ERICH6B: variants seen among roughly 807,000 people sequenced by gnomAD.
ERICH6B encodes the protein glutamate-rich protein 6B.
A neutral mutation model predicts 80.0 loss-of-function variants in ERICH6B; 69 were observed. That is an observed-to-expected ratio of 0.86 (90% CI 0.71 to 1.05). The LOEUF is 1.05. Among genes scored for constraint, ERICH6B ranks in the 50% least tolerant of loss-of-function variants. ERICH6B has a pLI of 0.00. For synonymous variants in ERICH6B, 283 were observed against 291.9 expected (o/e 0.97, Z 0.31); for missense variants, 754 against 796.1 (o/e 0.95, Z 0.64).
intron 10 of ERICH6B, among the ~76,000 whole-genome samples, chr13:45,562,888 G>A (rs1260788987): frequency 1.3e-5 from 2 of 152,220 alleles, no homozygotes; most frequent in Non-Finnish European, 2.9e-5. Flanking sequence ...CTGGGGGTAA[G>A]TGTACTCTAT....
At chr13:45,594,500 T>A (rs181468974) in intron 3 of ERICH6B, among the ~76,000 whole-genome samples, 1 of 152,326 alleles carries the variant, frequency 6.6e-6, no homozygotes, top group African/African-American at 2.4e-5. Context: ...AGAATTACAT[T>A]TGATACTTGA....
In ERICH6B at chr13:45,596,904, A is replaced by T; in HGVS notation, c.102T>A (p.Thr34=). ...GACTTTCCTCATCTAGTTCTACTTC[A>T]GTATCCTCTTTCTCTGAAGGCAAGT... is the stretch of plus-strand genomic sequence containing the variant. ...TQNLPSEKED[T]EVELDEESLQ... Residue 34 remains threonine, a synonymous_variant, in exon 3 of 15, where the codon ACT becomes ACA. Transcript: ENST00000298738. 6.4e-7 allele frequency: 1 copy of T among 1,551,840 alleles called. No individual in the cohort carries two copies. Among genetic ancestry groups the T allele is most frequent in the Non-Finnish European group, 8.7e-7 (1 of 1,147,026 alleles).
chr13:45,596,201 T>A (rs979769298), intron 3 of ERICH6B, among the ~76,000 whole-genome samples, 168 bp downstream of exon 3: 1 of 152,166 alleles, frequency 6.6e-6, no homozygotes, highest in Non-Finnish European at 1.5e-5. Context: ...TGGCTCTATG[T>A]CAGGTTTGTG....
At chr13:45,561,806 A>G (rs181324499) in intron 10 of ERICH6B, among the ~76,000 whole-genome samples, 11 of 152,304 alleles carry the variant, frequency 7.2e-5, no homozygotes, top group Non-Finnish European at 1.6e-4. Flanking sequence ...GATGCCTGAT[A>G]TGACAGTGAT....
Position 45,587,221 on chromosome 13 carries a change from G to A in ERICH6B, c.698C>T (p.Ala233Val). 1 of 1,551,692 alleles carries A rather than the reference G, an allele frequency of 6.4e-7. No homozygotes were observed. The highest frequency in any genetic ancestry group is 1.2e-5 in the South Asian group (1 of 84,048). Residue 233 changes from alanine to valine, a missense_variant, in exon 5 of 15, where the codon GCT (alanine) becomes GTT (valine). By Grantham distance (64) the Ala-to-Val change is moderately conservative. Coordinates refer to ENST00000298738, the MANE Select transcript of ERICH6B (RefSeq NM_182542.3). Reference sequence around the variant, plus strand: ...GAAGGTGGTCACCTGAGAGGGGCCAGCGTCTGGACTCCTGTCAGAGGGGAG... The same window carrying A: ...GAAGGTGGTCACCTGAGAGGGGCCAACGTCTGGACTCCTGTCAGAGGGGAG... ...MLLRDARSPD[A>V]GPSQVTTFLT...
chr13:45,584,185 C>T (rs894125267), intron 5 of ERICH6B, among the ~76,000 whole-genome samples: 1 of 152,196 alleles, frequency 6.6e-6, no homozygotes, highest in Non-Finnish European at 1.5e-5. Flanking sequence ...TAATGCTCTG[C>T]ATTAGAATTT....
intron 10 of ERICH6B, chr13:45,563,516 G>A (rs1423078619): frequency 3.4e-6 from 2 of 594,746 alleles, no homozygotes; most frequent in East Asian, 2.8e-5. Context: ...ACCTGCCCCT[G>A]CCACCAAGAA....
chr13:45,605,216 A>G (rs1006288421), intron 2 of ERICH6B, among the ~76,000 whole-genome samples: 1 of 152,182 alleles, frequency 6.6e-6, no homozygotes, highest in South Asian at 2.1e-4. Flanking sequence ...CTCACTCTCC[A>G]GGGAGCCCTG....
chr13:45,585,126 G>A (rs537435648), intron 5 of ERICH6B, among the ~76,000 whole-genome samples: 1 of 152,334 alleles, frequency 6.6e-6, no homozygotes, highest in South Asian at 2.1e-4. Flanking sequence ...CTTGTTTGGA[G>A]TGAAAACTGG....
intron 2 of ERICH6B, among the ~76,000 whole-genome samples, chr13:45,597,908 C>T (rs140862015): frequency 1.3e-5 from 2 of 152,306 alleles, no homozygotes; most frequent in East Asian, 3.9e-4. Context: ...CCATGGTGAA[C>T]ATGCCATCTC....
chr13:45,586,154 C>T (rs1480346909), intron 5 of ERICH6B, among the ~76,000 whole-genome samples: 6 of 152,024 alleles, frequency 3.9e-5, no homozygotes, highest in East Asian at 3.9e-4. Context: ...CCCAGTGAAC[C>T]GATGTAGCCT....
rs1262089104 is a variant in ERICH6B at position 45,568,424 on chromosome 13, A to C, written c.1078T>G (p.Phe360Val). The change falls in exon 9 of 15, where the codon TTT becomes GTT. Residue 360 changes from phenylalanine to valine, a missense_variant. By Grantham distance (50) the Phe-to-Val change is conservative. Transcript: ENST00000298738. ...GCCATTTCTTTGATTATTGTTTTAA[A>C]TACTGTCTGATAGGAGCTGTTCAAA... is the stretch of plus-strand genomic sequence containing the variant. ...NFLNSSYQTV[F>V]KTIIKEMAAH... 1 of 1,547,772 alleles carries C rather than the reference A, an allele frequency of 6.5e-7. No individual in the cohort carries two copies. Among genetic ancestry groups the C allele is most frequent in the Non-Finnish European group, 8.7e-7 (1 of 1,145,640 alleles).
chr13:45,581,711 A>G (rs540933464), intron 5 of ERICH6B, among the ~76,000 whole-genome samples: 1 of 152,228 alleles, frequency 6.6e-6, no homozygotes, highest in East Asian at 1.9e-4. Flanking sequence ...TAATAGGCCC[A>G]TGATGAAAAA....
chr13:45,596,713 A>T lies in ERICH6B; in HGVS notation c.293T>A (p.Leu98Gln), dbSNP rs776438233. The change falls in exon 3 of 15, where the codon CTG (leucine) becomes CAG (glutamine). Residue 98 changes from leucine (L) to glutamine (Q), a missense_variant. Leu to Gln is a moderately radical substitution (Grantham distance 113). Coordinates refer to ENST00000298738, the MANE Select transcript of ERICH6B (RefSeq NM_182542.3). ...KEEHLEEEEY[L>Q]EKAGYLEEEE... Reference sequence around the variant, plus strand: ...CTCCTCCAGATACCCTGCCTTCTCCAGATACTCTTCCTCCTCCAGATGCTC... The same window carrying T: ...CTCCTCCAGATACCCTGCCTTCTCCTGATACTCTTCCTCCTCCAGATGCTC... The T allele has an allele frequency of 1.3e-6, 2 of 1,551,724 alleles. No homozygotes were observed. Among genetic ancestry groups the T allele is most frequent in the South Asian group, 2.4e-5 (2 of 84,044 alleles).
In ERICH6B at chr13:45,571,969, T is replaced by C. The variant is rs56203422; in HGVS notation, c.1050+2873A>G. On this transcript the variant is annotated intron_variant, in intron 8 of 14. Coordinates refer to ENST00000298738, the MANE Select transcript of ERICH6B (RefSeq NM_182542.3). ...ATTTTGAGTCTCCAGAACTATGATA[T>C]AGTAAATTTTGTTGTTCAAGCCACT... Among the ~76,000 whole-genome samples, 233 of 152,330 alleles carry C rather than the reference T, an allele frequency of 1.5e-3. 2 individuals are homozygous for C. The highest frequency in any genetic ancestry group is 5.4e-3 in the African/African-American group (223 of 41,564).
chr13:45,560,222 A>G lies in ERICH6B; in HGVS notation c.1407+1147T>C, dbSNP rs374812366. Among the ~76,000 whole-genome samples the G allele has an allele frequency of 4.6e-5, 7 of 152,284 alleles. No individual in the cohort carries two copies. The South Asian group carries it at 8.3e-4, about 18-fold the overall frequency. ...CTTCTCGCTTTTGGTGTTCATTTGC[A>G]TGGAATGAATGACTCTAATATTTTG... On this transcript the variant is annotated intron_variant, in intron 11 of 14. Coordinates refer to ENST00000298738, the MANE Select transcript of ERICH6B (RefSeq NM_182542.3).
chr13:45,593,902 G>A (rs757175508), intron 3 of ERICH6B, among the ~76,000 whole-genome samples: 1 of 152,018 alleles, frequency 6.6e-6, no homozygotes, highest in Non-Finnish European at 1.5e-5. Context: ...TCATATCTAG[G>A]GCTCATTTTA....
At chr13:45,608,786 T>C (rs2138039260) in intron 1 of ERICH6B, among the ~76,000 whole-genome samples, 3 of 152,370 alleles carry the variant, frequency 2.0e-5, no homozygotes, top group Middle Eastern at 6.8e-3. Flanking sequence ...TATTCGGATG[T>C]AACGATTCAA....
chr13:45,588,526 G>A (rs1473715303), intron 4 of ERICH6B, among the ~76,000 whole-genome samples: 2 of 152,110 alleles, frequency 1.3e-5, no homozygotes, highest in African/African-American at 2.4e-5. Flanking sequence ...ACTCTCTAGG[G>A]CCTGTTTCTT....
Sources: gnomAD v4.1 joint callset for allele counts (sites outside exome capture counted in the v4.1 genomes callset) on GRCh38, gnomAD v4.1.1 for gene constraint, MANE v1.5 for transcripts, NCBI Gene and HGNC (gene_info 2026-07-23, HGNC 2026-07-21) for gene names.